The following MAST4 variants were observed in gnomAD, a reference collection of about 807,000 sequenced individuals.
MAST4 encodes the protein microtubule-associated serine/threonine-protein kinase 4.
MAST4 carries 89 observed loss-of-function variants against 162.7 expected under a neutral mutation model. The ratio of observed to expected loss-of-function variants is 0.55; its 90% CI spans 0.46 to 0.65. The LOEUF (loss-of-function observed/expected upper bound fraction) is 0.65. Among genes scored for constraint, MAST4 ranks in the 30% least tolerant of loss-of-function variants. The probability of loss-of-function intolerance (pLI) is 0.00; values close to 1 mark genes in which losing one functional copy is unlikely to be tolerated. For missense variants in MAST4, 3,153 were observed against 3,374.0 expected (o/e 0.93, Z 1.62); for synonymous variants, 1,479 against 1,361.1 (o/e 1.09, Z -1.91).
At chr5:66,959,228 T>C (rs779084994) in intron 4 of MAST4, 3 of 779,316 alleles carry the variant, frequency 3.8e-6, no homozygotes, top group Non-Finnish European at 7.2e-6. Flanking sequence ...TACAATAGAG[T>C]GTGCTAACAT....
chr5:67,102,541 G>T lies in MAST4; in HGVS notation c.1076G>T (p.Gly359Val). 1 of 1,613,914 alleles carries T rather than the reference G, an allele frequency of 6.2e-7. No homozygotes were observed. Among genetic ancestry groups the T allele is most frequent in the Non-Finnish European group, 8.5e-7 (1 of 1,179,838 alleles). Residue 359 changes from glycine to valine, a missense_variant, in exon 9 of 29, where the codon GGA becomes GTA. Gly to Val is a moderately radical substitution (Grantham distance 109, BLOSUM62 -3). Transcript: ENST00000403625. ...GTAATTTGCTTTGCTTGCAGCCCTG[G>T]ACGTTCTCCCGCCTGCTGTGACCAT... Reference protein sequence around the residue: ...MRPRSRSLSPGRSPACCDHEI... With the variant: ...MRPRSRSLSPVRSPACCDHEI...
At chr5:66,788,607 C>CCAAGCCAAAAAAAAAAAA in intron 2 of MAST4, 63 bp from the exon 3 acceptor site, 1 of 1,373,728 alleles carries the variant, frequency 7.3e-7, no homozygotes, top group Non-Finnish European at 1.0e-6. Flanking sequence ...CCCCCACCCC[C>CCAAGCCAAAAAAAAAAAA]ATTGCAATAA....
intron 4 of MAST4, among the ~76,000 whole-genome samples, chr5:67,046,945 T>C (rs1757445428): frequency 6.6e-6 from 1 of 152,160 alleles, no homozygotes; most frequent in Non-Finnish European, 1.5e-5. Context: ...CCCTGATCAC[T>C]ATGACCTGGA....
At chr5:66,639,441 C>T (rs1342132755) in intron 1 of MAST4, among the ~76,000 whole-genome samples, 1 of 151,986 alleles carries the variant, frequency 6.6e-6, no homozygotes, top group Non-Finnish European at 1.5e-5. Context: ...AATTGTAAAG[C>T]AAAATTAAGA....
intron 2 of MAST4, among the ~76,000 whole-genome samples, chr5:66,769,753 C>T (rs1160486219): frequency 2.6e-5 from 4 of 152,166 alleles, no homozygotes; most frequent in South Asian, 2.1e-4. Flanking sequence ...CATTATTATG[C>T]GGTACATGAC....
intron 4 of MAST4, among the ~76,000 whole-genome samples, chr5:67,048,408 C>T (rs1757638109): frequency 6.6e-6 from 1 of 151,866 alleles, no homozygotes; most frequent in South Asian, 2.1e-4. Flanking sequence ...ATAATTCATC[C>T]AAAAGTCAAA....
chr5:67,010,620 C>T (rs1447031527), intron 4 of MAST4, among the ~76,000 whole-genome samples: 1 of 152,024 alleles, frequency 6.6e-6, no homozygotes, highest in Non-Finnish European at 1.5e-5. Flanking sequence ...TTAAAGATAC[C>T]CCGCTTAAGG....
At position 66,746,177 on chromosome 5, in the gene MAST4, C is replaced by T. The variant is rs78687598; in HGVS notation, c.364-13532C>T. The stretch of plus-strand genomic sequence containing the variant: ...TCTGTAATTCTATCTTAAAAATTGC[C>T]GCCATAGAAACCCTAGAAACTACTT... On this transcript the variant is annotated intron_variant, in intron 1 of 28. Transcript: ENST00000403625. Among the ~76,000 whole-genome samples, 945 of 152,234 alleles carry T rather than the reference C, an allele frequency of 6.2e-3. 10 individuals carry two copies. The highest frequency in any genetic ancestry group is 0.021 in the African/African-American group (889 of 41,532).
In MAST4 at chr5:67,119,212, G is replaced by A. The variant is rs189631756; in HGVS notation, c.1659+463G>A. ...GTATGGGTATATGAGGGTGGGAGGA[G>A]TGGACAGGGAGATAACCCAGTCAGA... On this transcript the variant is annotated intron_variant, in intron 13 of 28. Transcript: ENST00000403625. Among the ~76,000 whole-genome samples the A allele has an allele frequency of 3.3e-3, 498 of 152,262 alleles. 15 individuals are homozygous for A. The highest frequency in any genetic ancestry group is 0.023 in the Admixed American group (353 of 15,294).
intron 24 of MAST4, among the ~76,000 whole-genome samples, chr5:67,150,547 G>A (rs571032626): frequency 1.7e-4 from 26 of 152,204 alleles, no homozygotes; most frequent in Non-Finnish European, 3.7e-4. Context: ...TTCATAAGCT[G>A]AAGATGATGG....
intron 4 of MAST4, among the ~76,000 whole-genome samples, chr5:67,000,765 G>A (rs1200846743): frequency 6.6e-6 from 1 of 150,678 alleles, no homozygotes; most frequent in South Asian, 2.2e-4. Flanking sequence ...AAGGGGGGGG[G>A]TGGCTTGTGT....
intron 1 of MAST4, among the ~76,000 whole-genome samples, chr5:66,661,714 A>G: frequency 6.6e-6 from 1 of 152,172 alleles, no homozygotes; most frequent in Non-Finnish European, 1.5e-5. Context: ...CAAGAGAAAG[A>G]CCAAAAAAGA....
chr5:66,786,286 A>G (rs1256204285), intron 2 of MAST4, among the ~76,000 whole-genome samples: 2 of 149,284 alleles, frequency 1.3e-5, no homozygotes, highest in Non-Finnish European at 3.0e-5. Flanking sequence ...TTTTTTTTTT[A>G]ATCTACGTTC....
rs758729693 is a variant in MAST4, at chr5:66,788,711, C to T, written c.559C>T (p.Pro187Ser). 3 of 1,613,338 alleles carry T rather than the reference C, an allele frequency of 1.9e-6. No homozygotes were observed. Among genetic ancestry groups the T allele is most frequent in the Non-Finnish European group, 1.7e-6 (2 of 1,179,636 alleles). The change falls in exon 3 of 29, where the codon CCG (proline) becomes TCG (serine). Residue 187 changes from proline to serine, a missense_variant. By Grantham distance (74) the Pro-to-Ser change is moderately conservative. Coordinates refer to ENST00000403625, the MANE Select transcript of MAST4 (RefSeq NM_001164664.2). Reference protein sequence around the residue: ...LPNPVAGQAWPASAETSNLVR... With the variant: ...LPNPVAGQAWSASAETSNLVR... ...AAACCCGGTGGCGGGACAGGCCTGG[C>T]CGGCCTCTGCAGAGACGTCCAACCT...
At chr5:66,872,081 T>A (rs1449011533) in intron 3 of MAST4, among the ~76,000 whole-genome samples, 1 of 152,298 alleles carries the variant, frequency 6.6e-6, no homozygotes, top group South Asian at 2.1e-4. Context: ...ACCTCTGATA[T>A]AATGCTAGTT....
At chr5:66,679,229 G>A (rs1436017538) in intron 1 of MAST4, among the ~76,000 whole-genome samples, 1 of 152,222 alleles carries the variant, frequency 6.6e-6, no homozygotes, top group Non-Finnish European at 1.5e-5. Context: ...AGTTCGTTCA[G>A]GGGAGAGGTA....
rs2151133724 is a variant in MAST4 at position 67,164,946 on chromosome 5, G to A, written c.5767G>A (p.Gly1923Ser). 1 of 1,613,892 alleles carries A rather than the reference G, an allele frequency of 6.2e-7. No individual in the cohort carries two copies. The highest frequency in any genetic ancestry group is 8.5e-7 in the Non-Finnish European group (1 of 1,179,874). Residue 1923 changes from glycine (G) to serine (S), a missense_variant, in exon 29 of 29, where the codon GGC (glycine) becomes AGC (serine). Coordinates refer to ENST00000403625, the MANE Select transcript of MAST4 (RefSeq NM_001164664.2). The surrounding 1 kb of genome is among the most constrained non-coding windows in gnomAD (Gnocchi z 5.3). ...VMESNPQQRE[G>S]SSPKHQDHTT... The stretch of plus-strand genomic sequence containing the variant: ...GGAAAGCAATCCCCAACAGAGAGAG[G>A]GCAGCTCCCCTAAACACCAAGACCA...
At chr5:66,769,147 A>G (rs574064450) in intron 2 of MAST4, among the ~76,000 whole-genome samples, 3 of 152,218 alleles carry the variant, frequency 2.0e-5, no homozygotes, top group Admixed American at 6.5e-5. Flanking sequence ...GCAAAAGGTT[A>G]AAGCACTAGG....
chr5:66,671,749 C>T (rs1451667592), intron 1 of MAST4, among the ~76,000 whole-genome samples: 1 of 152,152 alleles, frequency 6.6e-6, no homozygotes, highest in Admixed American at 6.5e-5. Flanking sequence ...TAAGCTCTTT[C>T]AAGTGAGGTG....
Sources: allele counts gnomAD v4.1 joint callset (sites outside exome capture counted in the v4.1 genomes callset), GRCh38; gene constraint gnomAD v4.1.1; non-coding constraint Gnocchi (gnomAD v3.1); transcripts MANE v1.5; gene names NCBI Gene and HGNC (gene_info 2026-07-23, HGNC 2026-07-21).